CPVL: variants seen among roughly 807,000 people sequenced by gnomAD.
CPVL encodes the protein probable serine carboxypeptidase CPVL.
CPVL carries 51 observed loss-of-function variants against 63.7 expected under a neutral mutation model. The ratio of observed to expected loss-of-function variants is 0.80; its 90% CI spans 0.64 to 1.01. The LOEUF is 1.01. Among genes scored for constraint, CPVL ranks in the 50% least tolerant of loss-of-function variants. The probability of loss-of-function intolerance (pLI) is 0.00; values close to 1 mark genes in which losing one functional copy is unlikely to be tolerated. For synonymous variants in CPVL, 195 were observed against 206.0 expected (o/e 0.95, Z 0.46); for missense variants, 530 against 573.1 (o/e 0.92, Z 0.77).
At chr7:29,160,478 CCCCTTTT>C (rs1795031221) in intron 5 of CPVL, among the ~76,000 whole-genome samples, 1 of 152,150 alleles carries the variant, frequency 6.6e-6, no homozygotes, top group Non-Finnish European at 1.5e-5. Context: ...GTCATGGCTA[CCCCTTTT>C]CCCTTTGCCA....
intron 1 of CPVL, 113 bp downstream of exon 1, chr7:29,146,316 T>A (rs1257534625): frequency 2.3e-6 from 1 of 426,786 alleles, no homozygotes; most frequent in Non-Finnish European, 4.1e-6. Context: ...TCTCCCCTGT[T>A]GGTGCTGAGG....
intron 12 of CPVL, among the ~76,000 whole-genome samples, chr7:28,999,203 C>A (rs1302983790): frequency 6.6e-6 from 1 of 152,184 alleles, no homozygotes; most frequent in African/African-American, 2.4e-5. Context: ...CAGAGTGAGA[C>A]TCCACCTCAA....
chr7:29,096,466 G>A (rs1314915204), intron 3 of CPVL: 7 of 530,046 alleles, frequency 1.3e-5, no homozygotes, highest in Non-Finnish European at 2.4e-5. Flanking sequence ...CCCAACAAGA[G>A]ACAGAAAGCT....
At chr7:29,079,250 A>T (rs1253574895) in intron 7 of CPVL, among the ~76,000 whole-genome samples, 2 of 152,216 alleles carry the variant, frequency 1.3e-5, no homozygotes, top group Non-Finnish European at 2.9e-5. Flanking sequence ...ACACAAAGTG[A>T]ATCTGAAGCA....
intron 1 of CPVL, among the ~76,000 whole-genome samples, chr7:29,130,224 T>G (rs927980097): frequency 2.0e-5 from 3 of 152,204 alleles, no homozygotes; most frequent in African/African-American, 7.2e-5. Flanking sequence ...CCAAGAGTTC[T>G]ACTTTAAGTT....
At chr7:29,091,127 T>G (rs1197634144) in intron 6 of CPVL, among the ~76,000 whole-genome samples, 1 of 152,216 alleles carries the variant, frequency 6.6e-6, no homozygotes, top group South Asian at 2.1e-4. Flanking sequence ...CAAAAAGAAC[T>G]ACAACAGCTA....
intron 6 of CPVL, among the ~76,000 whole-genome samples, chr7:29,090,179 C>T (rs1362447923): frequency 1.3e-5 from 2 of 152,108 alleles, no homozygotes; most frequent in Non-Finnish European, 2.9e-5. Flanking sequence ...GAATTCTTTC[C>T]TGGGCAAATC....
At chr7:29,135,954 T>C (rs923974742) in intron 1 of CPVL, among the ~76,000 whole-genome samples, 2 of 152,192 alleles carry the variant, frequency 1.3e-5, no homozygotes, top group Non-Finnish European at 2.9e-5. Flanking sequence ...GTTTCTCATA[T>C]ACCACTTCTC....
At chr7:29,103,186 G>GGGGGC in intron 3 of CPVL, among the ~76,000 whole-genome samples, 1 of 128,126 alleles carries the variant, frequency 7.8e-6, no homozygotes, top group East Asian at 2.3e-4. Context: ...ATACTGGGGG[G>GGGGGC]GGGGGGGGGG....
At chr7:29,161,266 C>CT (rs1795142734) in intron 5 of CPVL, among the ~76,000 whole-genome samples, 3 of 152,136 alleles carry the variant, frequency 2.0e-5, no homozygotes, top group African/African-American at 7.2e-5. Flanking sequence ...CATGGTTACT[C>CT]TTTTTCCAGT....
chr7:29,092,180 CTTTT>C (rs3042208), intron 6 of CPVL, among the ~76,000 whole-genome samples: 3 of 137,546 alleles, frequency 2.2e-5, no homozygotes, highest in Non-Finnish European at 4.8e-5. Flanking sequence ...TACATTTTTC[CTTTT>C]TTTTTTTTTT....
Position 28,995,674 on chromosome 7 carries a change from T to A in CPVL, c.*98A>T. On this transcript the variant is annotated 3_prime_UTR_variant, in exon 13 of 13. Transcript: ENST00000265394. ...TTATTGATGAAAAAAATCTTGCAGA[T>A]ATGAAAAGATAATTTTTTTATTCCT... 1.4e-6 allele frequency: 1 copy of A among 738,880 alleles called. No homozygotes were observed. 45.8% of individuals were successfully genotyped at this position (738,880 alleles called of 1,614,324 possible).
At chr7:29,034,851 T>TA (rs1788366448) in intron 11 of CPVL, among the ~76,000 whole-genome samples, 1 of 74,248 alleles carries the variant, frequency 1.3e-5, no homozygotes, top group African/African-American at 1.1e-4. Context: ...GCTTTTATAA[T>TA]GGAAAAAAAA....
chr7:29,056,000 T>TA (rs1562744521), intron 11 of CPVL, among the ~76,000 whole-genome samples: 1 of 152,072 alleles, frequency 6.6e-6, no homozygotes, highest in African/African-American at 2.4e-5. Flanking sequence ...ACAATTAACT[T>TA]AAAAAAAGGT....
intron 7 of CPVL, among the ~76,000 whole-genome samples, chr7:29,077,842 C>A (rs1466799537): frequency 6.6e-6 from 1 of 152,126 alleles, no homozygotes; most frequent in Non-Finnish European, 1.5e-5. Context: ...AGCCACAAAA[C>A]CTGGTGAAAA....
At chr7:29,069,827 T>TGTGTGC (rs1554335163) in intron 9 of CPVL, among the ~76,000 whole-genome samples, 2 of 135,396 alleles carry the variant, frequency 1.5e-5, no homozygotes, top group East Asian at 2.2e-4. Flanking sequence ...TGTGTGTGTG[T>TGTGTGC]GCATGTAAAT....
chr7:29,062,322 CAAA>C (rs1782695082), intron 11 of CPVL, among the ~76,000 whole-genome samples: 1 of 152,086 alleles, frequency 6.6e-6, no homozygotes, highest in Non-Finnish European at 1.5e-5. Flanking sequence ...GAGGAGAGGA[CAAA>C]CAGCAGTGCC....
intron 1 of CPVL, among the ~76,000 whole-genome samples, chr7:29,145,456 T>C (rs547918019): frequency 1.4e-4 from 22 of 152,034 alleles, no homozygotes; most frequent in Admixed American, 5.2e-4. Flanking sequence ...CCCAAGCACC[T>C]TGCTTGGGAC....
At chr7:29,091,971 T>C (rs1189638521) in intron 6 of CPVL, among the ~76,000 whole-genome samples, 2 of 152,168 alleles carry the variant, frequency 1.3e-5, no homozygotes, top group South Asian at 2.1e-4. Context: ...TAGTAAATTA[T>C]TATAATACAT....
Sources: gnomAD v4.1 joint callset for allele counts (sites outside exome capture counted in the v4.1 genomes callset) on GRCh38, gnomAD v4.1.1 for gene constraint, MANE v1.5 for transcripts, NCBI Gene and HGNC (gene_info 2026-07-23, HGNC 2026-07-21) for gene names.